The following IL1RAPL2 variants were observed in gnomAD, a reference collection of about 807,000 sequenced individuals.
The protein encoded by IL1RAPL2 is interleukin 1 receptor accessory protein like 2.
IL1RAPL2 carries 3 observed loss-of-function variants against 44.1 expected under a neutral mutation model. The observed-to-expected ratio is 0.07, with a 90% CI of 0.03 to 0.18. IL1RAPL2 has a LOEUF of 0.18. IL1RAPL2 is among the 10% of genes least tolerant of loss of function. The pLI, the probability that IL1RAPL2 is intolerant of heterozygous loss-of-function variation, is 1.00. For missense variants in IL1RAPL2, 391 were observed against 496.4 expected (o/e 0.79, Z 2.02); for synonymous variants, 181 against 178.8 (o/e 1.01, Z -0.10).
intron 2 of IL1RAPL2, among the ~76,000 whole-genome samples, chrX:104,903,833 C>A (rs1365966602): frequency 9.0e-6 from 1 of 111,464 alleles, no homozygotes; most frequent in Admixed American, 9.6e-5. Context: ...CCAGCCTCAG[C>A]CTCCCAAAGT....
intron 2 of IL1RAPL2, among the ~76,000 whole-genome samples, chrX:104,956,997 G>A (rs987317434): frequency 1.8e-5 from 2 of 112,094 alleles, no homozygotes; most frequent in Non-Finnish European, 3.8e-5. Flanking sequence ...CAGTTAATAG[G>A]GGTGGAGGTG....
intron 2 of IL1RAPL2, among the ~76,000 whole-genome samples, chrX:104,899,026 C>A (rs1923738062): frequency 8.9e-6 from 1 of 111,849 alleles, no homozygotes; most frequent in Non-Finnish European, 1.9e-5. Flanking sequence ...CAGATTAAGT[C>A]GTAGTATTGC....
At chrX:104,925,069 ATC>A (rs1924740629) in intron 2 of IL1RAPL2, among the ~76,000 whole-genome samples, 1 of 110,260 alleles carries the variant, frequency 9.1e-6, no homozygotes, top group African/African-American at 3.3e-5. Context: ...CACTATGAAT[ATC>A]TCTATGTGCA....
intron 2 of IL1RAPL2, among the ~76,000 whole-genome samples, chrX:105,125,823 G>T (rs1169985420): frequency 9.1e-6 from 1 of 110,402 alleles, no homozygotes; most frequent in Admixed American, 9.6e-5. Context: ...ATCGAGTAGA[G>T]TGGGTCCTGG....
chrX:104,774,477 G>T (rs1932688161), intron 2 of IL1RAPL2, among the ~76,000 whole-genome samples: 1 of 111,630 alleles, frequency 9.0e-6, no homozygotes, highest in African/African-American at 3.3e-5. Context: ...CAATTAAAGG[G>T]CTGATACTCC....
intron 5 of IL1RAPL2, among the ~76,000 whole-genome samples, chrX:105,286,505 C>T (rs1053674642): frequency 1.8e-5 from 2 of 108,210 alleles, no homozygotes; most frequent in African/African-American, 3.3e-5. Context: ...TATACTACTA[C>T]TATCACCATT....
At chrX:105,696,861 C>T (rs2038080350) in intron 6 of IL1RAPL2, among the ~76,000 whole-genome samples, 1 of 111,397 alleles carries the variant, frequency 9.0e-6, no homozygotes, top group Non-Finnish European at 1.9e-5. Context: ...GTCCACTTTG[C>T]ATTACTATAA....
intron 6 of IL1RAPL2, among the ~76,000 whole-genome samples, chrX:105,560,228 T>A (rs917493816): frequency 9.0e-6 from 1 of 111,272 alleles, no homozygotes; most frequent in Admixed American, 9.6e-5. Flanking sequence ...GTGTGAAGAC[T>A]CTGTTGTTCT....
chrX:105,392,000 TG>T (rs1392721424), intron 5 of IL1RAPL2, among the ~76,000 whole-genome samples: 1 of 37,728 alleles, frequency 2.7e-5, no homozygotes, highest in Non-Finnish European at 4.4e-5. Flanking sequence ...TGTTGTGGGG[TG>T]GGGGGAGGGG....
chrX:105,463,518 G>A (rs1411314575), intron 5 of IL1RAPL2, among the ~76,000 whole-genome samples: 2 of 109,216 alleles, frequency 1.8e-5, no homozygotes, highest in Non-Finnish European at 3.8e-5. Context: ...ACAGGGGATT[G>A]GGCTAGATAC....
chrX:104,929,147 G>C (rs2147695978), intron 2 of IL1RAPL2, among the ~76,000 whole-genome samples: 1 of 111,228 alleles, frequency 9.0e-6, no homozygotes, highest in South Asian at 3.8e-4. Context: ...CATAATTAGG[G>C]GTTTTGTGCT....
At chrX:105,280,593 A>AC (rs904457640) in intron 5 of IL1RAPL2, among the ~76,000 whole-genome samples, 11 of 109,889 alleles carry the variant, frequency 1.0e-4, no homozygotes, top group African/African-American at 3.4e-4. Flanking sequence ...GAAAAAAAAA[A>AC]CGCATCAAAA....
intron 2 of IL1RAPL2, among the ~76,000 whole-genome samples, chrX:104,677,254 G>A (rs938970215): frequency 9.0e-6 from 1 of 111,098 alleles, no homozygotes; most frequent in Admixed American, 9.6e-5. Context: ...TTTGATGATG[G>A]TGATGTACAG....
intron 9 of IL1RAPL2, among the ~76,000 whole-genome samples, chrX:105,751,737 T>C (rs2038599089): frequency 8.9e-6 from 1 of 111,975 alleles, no homozygotes; most frequent in South Asian, 3.7e-4. Flanking sequence ...ATATAACCTC[T>C]GTATTAGCTT....
chrX:104,817,988 C>T (rs1485712867), intron 2 of IL1RAPL2, among the ~76,000 whole-genome samples: 2 of 110,357 alleles, frequency 1.8e-5, no homozygotes, highest in Non-Finnish European at 3.8e-5. Context: ...TAGATTCGGG[C>T]GTGTGTTTAG....
intron 5 of IL1RAPL2, among the ~76,000 whole-genome samples, chrX:105,315,578 GTATATATATATA>G (rs771525814): frequency 2.3e-4 from 5 of 21,813 alleles, no homozygotes; most frequent in South Asian, 7.8e-3. Context: ...ACTAATGGAT[GTATATATATATA>G]TATATATATA....
At chrX:105,437,932 T>C (rs1008718758) in intron 5 of IL1RAPL2, among the ~76,000 whole-genome samples, 10 of 111,964 alleles carry the variant, frequency 8.9e-5, no homozygotes, top group African/African-American at 2.3e-4. Context: ...TTTACTGTTA[T>C]AGGCTAAAAG....
chrX:105,338,160 C>T (rs1203621968), intron 5 of IL1RAPL2, among the ~76,000 whole-genome samples: 2 of 111,720 alleles, frequency 1.8e-5, no homozygotes, highest in African/African-American at 6.5e-5. Context: ...GTCCATGCTA[C>T]AGGCAGGCCC....
chrX:105,386,604 C>A (rs1487771553), intron 5 of IL1RAPL2, among the ~76,000 whole-genome samples: 1 of 111,924 alleles, frequency 8.9e-6, no homozygotes, highest in East Asian at 2.8e-4. Context: ...TACCCAAAAT[C>A]TATTTTCTTA....
Sources: allele counts gnomAD v4.1 joint callset (sites outside exome capture counted in the v4.1 genomes callset), GRCh38; gene constraint gnomAD v4.1.1; transcripts MANE v1.5; gene names NCBI Gene and HGNC (gene_info 2026-07-23, HGNC 2026-07-21).